CPS1: variants seen among roughly 807,000 people sequenced by gnomAD.
CPS1 encodes the protein carbamoyl-phosphate synthase [ammonia], mitochondrial.
In CPS1, 109 loss-of-function variants were observed where a neutral mutation model predicts 174.6. The observed-to-expected ratio is 0.62, with a 90% CI of 0.53 to 0.73. The LOEUF is 0.73. Ranked by LOEUF, CPS1 falls within the 30% of genes least tolerant of loss-of-function variation. The pLI, the probability that CPS1 is intolerant of heterozygous loss-of-function variation, is 0.00. For missense variants in CPS1, 1,689 were observed against 1,821.9 expected, an observed-to-expected ratio of 0.93 and a Z score of 1.33; for synonymous variants, 637 against 632.0, an observed-to-expected ratio of 1.01 and a Z score of -0.12.
chr2:210,502,564 A>G (rs1484045414), intron 1 of CPS1, among the ~76,000 whole-genome samples: 2 of 151,286 alleles, frequency 1.3e-5, no homozygotes, highest in African/African-American at 4.8e-5. Flanking sequence ...ATCTTTTCAA[A>G]TAAATGCTGC....
Position 210,573,338 on chromosome 2 carries a change from T to G in CPS1, c.167T>G (p.Met56Arg), listed in dbSNP as rs778958318. ...AHIVLEDGTK[M>R]KGYSFGHPSS... ...ATTGTCCTGGAAGATGGAACTAAGA[T>G]GAAAGGTTACTCCTTTGGCCATCCA... Residue 56 changes from methionine (M) to arginine (R), a missense_variant, in exon 2 of 38, where the codon ATG becomes AGG. Coordinates refer to ENST00000233072, the MANE Select transcript of CPS1 (RefSeq NM_001875.5). 43 of 1,613,166 alleles carry G rather than the reference T, an allele frequency of 2.7e-5. No homozygotes were observed. The Middle Eastern group carries it at 8.2e-4, about 31-fold the overall frequency.
chr2:210,657,568 A>G (rs1275029376), intron 30 of CPS1: 4 of 152,680 alleles, frequency 2.6e-5, no homozygotes, highest in Non-Finnish European at 5.8e-5. Context: ...TCGGCCTCCC[A>G]AAGTGCTGGG....
At position 210,593,601 on chromosome 2, in the gene CPS1, A is replaced by G. The variant is rs377478107; in HGVS notation, c.1164+645A>G. 1,523 of 985,450 alleles carry G rather than the reference A, an allele frequency of 1.5e-3. 2 individuals are homozygous for G. The highest frequency in any genetic ancestry group is 1.7e-3 in the Non-Finnish European group (1,411 of 830,068). The allele number at this position is 985,450 out of a possible 1,614,324, so 61.0% of individuals were successfully genotyped here. Reference sequence around the variant, plus strand: ...TGATATCCAGAAAAATCTGAAGTCTATTGTGACTTCCCCACACCCAGGGGC... The same window carrying G: ...TGATATCCAGAAAAATCTGAAGTCTGTTGTGACTTCCCCACACCCAGGGGC... On this transcript the variant is annotated intron_variant, in intron 11 of 37. Coordinates refer to ENST00000233072, the MANE Select transcript of CPS1 (RefSeq NM_001875.5).
intron 1 of CPS1, among the ~76,000 whole-genome samples, chr2:210,514,065 A>G (rs1399850629): frequency 6.6e-6 from 1 of 152,022 alleles, no homozygotes; most frequent in Non-Finnish European, 1.5e-5. Flanking sequence ...TAGCAGTAGC[A>G]TGCTGTTTTT....
intron 27 of CPS1, among the ~76,000 whole-genome samples, chr2:210,650,047 C>T (rs1304526412): frequency 6.6e-6 from 1 of 152,138 alleles, no homozygotes; most frequent in African/African-American, 2.4e-5. Context: ...CTGGAACCAG[C>T]AGAGTGTTAA....
intron 1 of CPS1, among the ~76,000 whole-genome samples, chr2:210,527,555 C>A (rs2105995975): frequency 6.6e-6 from 1 of 152,046 alleles, no homozygotes; most frequent in South Asian, 2.1e-4. Flanking sequence ...TCAGGTCCAA[C>A]TTTAATGCAA....
At chr2:210,556,450 A>C, upstream of CPS1, 1 of 732,450 alleles carries the variant, frequency 1.4e-6, no homozygotes, top group Non-Finnish European at 2.2e-6. Context: ...CAACCCCAGC[A>C]TTATTTTAGC....
Position 210,678,384 on chromosome 2 carries a change from A to C in CPS1, c.*399A>C. ...AAAACACTATCTGCAAACTCAGGAC[A>C]CTTTAACAGGGCAGAATACTCTAAA... On this transcript the variant is annotated 3_prime_UTR_variant, in exon 38 of 38. Transcript: ENST00000233072. 7.3e-6 allele frequency: 2 copies of C among 273,782 alleles called. No homozygotes were observed. The highest frequency in any genetic ancestry group is 1.4e-5 in the Non-Finnish European group (2 of 140,984). The allele number at this position is 273,782 out of a possible 1,614,324, so 17.0% of individuals were successfully genotyped here. A position where few individuals can be genotyped will look rare whatever the true frequency, so the allele number is the denominator to read the frequency against.
chr2:210,622,015 A>G (rs946982215), intron 21 of CPS1, among the ~76,000 whole-genome samples: 1 of 151,942 alleles, frequency 6.6e-6, no homozygotes, highest in Non-Finnish European at 1.5e-5. Context: ...ATCACATACT[A>G]ATAAATAACA....
chr2:210,524,938 A>G (rs989544800), intron 1 of CPS1, among the ~76,000 whole-genome samples: 7 of 152,018 alleles, frequency 4.6e-5, no homozygotes, highest in African/African-American at 1.7e-4. Context: ...AATCTGGTAA[A>G]GTAAGAAGTA....
chr2:210,602,405 T>A lies in CPS1; in HGVS notation c.1836+75T>A, dbSNP rs1030787170. ...ATAGACCTTTTCAACTAGAGAAAGT[T>A]ATGTAGATGAGAAATTACATTTTCT... On this transcript the variant is annotated intron_variant, in intron 16 of 37. Transcript: ENST00000233072. 5.3e-6 allele frequency: 8 copies of A among 1,506,658 alleles called. No individual in the cohort carries two copies. In the African/African-American group the frequency reaches 9.7e-5, roughly 18 times the overall value. 93.3% of individuals were successfully genotyped at this position (1,506,658 alleles called of 1,614,324 possible). A position where few individuals can be genotyped will look rare whatever the true frequency, so the allele number is the denominator to read the frequency against.
chr2:210,540,391 A>T (rs1295273418), intron 1 of CPS1, among the ~76,000 whole-genome samples: 1 of 152,214 alleles, frequency 6.6e-6, no homozygotes, highest in African/African-American at 2.4e-5. Context: ...GCTGCAATGA[A>T]TATCTATATA....
chr2:210,538,578 C>A (rs1696319788), intron 1 of CPS1, among the ~76,000 whole-genome samples: 1 of 151,878 alleles, frequency 6.6e-6, no homozygotes, highest in Admixed American at 6.6e-5. Context: ...GACATTGATC[C>A]CTATTTAATT....
In CPS1 at chr2:210,674,482, ACC is replaced by A. The variant is rs139274534; in HGVS notation, c.4102-419_4102-418del. On this transcript the variant is annotated intron_variant, in intron 34 of 37. Transcript: ENST00000233072. ...AAAAAACCCCATCTCAAAAAAAAAA[ACC>A]AAAAAAAAAAAAAAGAAATAAGAGC... The A allele has an allele frequency of 8.6e-3, 793 of 92,502 alleles. 29 individuals are homozygous for A. The highest frequency in any genetic ancestry group is 0.018 in the Middle Eastern group (4 of 220). The allele number at this position is 92,502 out of a possible 1,614,324, so 5.7% of individuals were successfully genotyped here. A position where few individuals can be genotyped will look rare whatever the true frequency, so the allele number is the denominator to read the frequency against.
chr2:210,676,951 A>G, intron 36 of CPS1, 56 bp from the exon 37 acceptor site: 1 of 1,569,682 alleles, frequency 6.4e-7, no homozygotes, highest in Non-Finnish European at 8.8e-7. Context: ...TTAGTATTTT[A>G]TAAACTAACT....
chr2:210,507,407 C>T (rs1483302005), intron 1 of CPS1, among the ~76,000 whole-genome samples: 2 of 152,186 alleles, frequency 1.3e-5, no homozygotes, highest in African/African-American at 4.8e-5. Context: ...CAACTGGTAC[C>T]ACCCACTGCA....
chr2:210,491,307 G>GT (rs66825517), intron 1 of CPS1, among the ~76,000 whole-genome samples: 626 of 50,306 alleles, frequency 0.012, 109 homozygotes, highest in African/African-American at 0.025. Flanking sequence ...TGGTATCTGT[G>GT]TTTTTTTTTT....
At chr2:210,601,777 A>G (rs974392198) in intron 15 of CPS1, among the ~76,000 whole-genome samples, 3 of 151,932 alleles carry the variant, frequency 2.0e-5, no homozygotes, top group Non-Finnish European at 4.4e-5. Context: ...AGTGTTCCTA[A>G]TGGCTTATTG....
chr2:210,577,516 A>G lies in CPS1; in HGVS notation c.471+6A>G, dbSNP rs1037853254. 3 of 1,605,684 alleles carry G rather than the reference A, an allele frequency of 1.9e-6. No homozygotes were observed. In the African/African-American group the frequency reaches 4.0e-5, roughly 21 times the overall value. ...AATGGCTACAGGAAGAAAAGGTAAG[A>G]AATGTAATAGGGCATCCATCATCAC... On this transcript the variant is annotated splice_donor_region_variant and intron_variant, in intron 4 of 37. Transcript: ENST00000233072.
Sources: gnomAD v4.1 joint callset for allele counts (sites outside exome capture counted in the v4.1 genomes callset) on GRCh38, gnomAD v4.1.1 for gene constraint, MANE v1.5 for transcripts, NCBI Gene and HGNC (gene_info 2026-07-23, HGNC 2026-07-21) for gene names.